The following DLC1 variants were observed in gnomAD, a reference collection of about 807,000 sequenced individuals.
DLC1 encodes rho GTPase-activating protein 7.
DLC1 carries 54 observed loss-of-function variants against 140.3 expected under a neutral mutation model. The ratio of observed to expected loss-of-function variants is 0.38; its 90% CI spans 0.31 to 0.48. The LOEUF (loss-of-function observed/expected upper bound fraction) is 0.48. Ranked by LOEUF, DLC1 falls within the 20% of genes least tolerant of loss-of-function variation. The pLI, the probability that DLC1 is intolerant of heterozygous loss-of-function variation, is 0.96. For synonymous variants in DLC1, 986 were observed against 728.1 expected (o/e 1.35, Z -5.70); for missense variants, 2,536 against 1,907.0 (o/e 1.33, Z -6.14).
intron 1 of DLC1, among the ~76,000 whole-genome samples, chr8:13,590,653 T>A (rs1805487300): frequency 6.6e-6 from 1 of 152,132 alleles, no homozygotes; most frequent in Non-Finnish European, 1.5e-5. Flanking sequence ...AATAAAATAA[T>A]CAGAGTGGGC....
At chr8:13,281,641 T>C (rs539539555) in intron 5 of DLC1, among the ~76,000 whole-genome samples, 116 of 152,326 alleles carry the variant, frequency 7.6e-4, no homozygotes, top group Admixed American at 1.2e-3. Flanking sequence ...AGACTTGCTC[T>C]ACAACTTCTG....
chr8:13,108,882 G>A (rs1418662208), intron 7 of DLC1, among the ~76,000 whole-genome samples: 3 of 152,108 alleles, frequency 2.0e-5, no homozygotes, highest in African/African-American at 4.8e-5. Flanking sequence ...TCCCGAAACT[G>A]CATCTGGTTT....
intron 1 of DLC1, among the ~76,000 whole-genome samples, chr8:13,601,720 G>C (rs1805892887): frequency 6.6e-6 from 1 of 151,564 alleles, no homozygotes; most frequent in African/African-American, 2.4e-5. Context: ...AACAACTGGA[G>C]TGTGCCTTTT....
chr8:13,383,602 A>G (rs1056649917), intron 4 of DLC1, among the ~76,000 whole-genome samples: 4 of 152,194 alleles, frequency 2.6e-5, no homozygotes, highest in African/African-American at 9.7e-5. Context: ...AATTCTTTTT[A>G]TAAACATGCC....
intron 5 of DLC1, among the ~76,000 whole-genome samples, chr8:13,172,117 TA>T (rs1275136348): frequency 1.3e-5 from 2 of 152,228 alleles, no homozygotes; most frequent in Admixed American, 1.3e-4. Context: ...AAACATTTTA[TA>T]GATGTCATTT....
chr8:13,446,218 T>C (rs1798771366), intron 2 of DLC1, among the ~76,000 whole-genome samples: 1 of 152,234 alleles, frequency 6.6e-6, no homozygotes, highest in Non-Finnish European at 1.5e-5. Flanking sequence ...TCTTATGGTA[T>C]CACTCAGGCA....
intron 2 of DLC1, among the ~76,000 whole-genome samples, chr8:13,457,746 T>C (rs1799474794): frequency 6.7e-6 from 1 of 150,136 alleles, no homozygotes; most frequent in Non-Finnish European, 1.5e-5. Context: ...AGTCAGGTGG[T>C]TTAGTTCAAT....
chr8:13,594,839 AT>A (rs1405147636), intron 1 of DLC1, among the ~76,000 whole-genome samples: 2 of 151,342 alleles, frequency 1.3e-5, no homozygotes, highest in African/African-American at 4.9e-5. Flanking sequence ...GGGTGCTTTT[AT>A]TTTATTTTTA....
At chr8:13,557,895 C>T (rs901851546) in intron 1 of DLC1, 4 of 152,078 alleles carry the variant, frequency 2.6e-5, no homozygotes, top group African/African-American at 7.2e-5. Flanking sequence ...AATTGCAACT[C>T]GGGGCATACA....
At chr8:13,570,452 C>A (rs1230589694) in intron 1 of DLC1, among the ~76,000 whole-genome samples, 3 of 123,540 alleles carry the variant, frequency 2.4e-5, no homozygotes, top group African/African-American at 9.2e-5. Flanking sequence ...CCCCTCCCCC[C>A]ACCCCACCAC....
intron 1 of DLC1, chr8:13,566,911 G>C: frequency 1.4e-6 from 2 of 1,445,018 alleles, no homozygotes; most frequent in Non-Finnish European, 1.8e-6. Flanking sequence ...ATCCATTCCC[G>C]GAGGGGTCAG....
At chr8:13,281,961 A>G (rs1831378968) in intron 5 of DLC1, among the ~76,000 whole-genome samples, 1 of 152,182 alleles carries the variant, frequency 6.6e-6, no homozygotes, top group African/African-American at 2.4e-5. Context: ...ATCTTGGGAC[A>G]GCATTTTGTT....
chr8:13,163,434 C>T (rs981990851), intron 5 of DLC1, among the ~76,000 whole-genome samples: 2 of 152,036 alleles, frequency 1.3e-5, no homozygotes, highest in Non-Finnish European at 2.9e-5. Context: ...CTAGGGTTCC[C>T]AGGCATTAAG....
chr8:13,203,318 C>G (rs1175232629), intron 5 of DLC1, among the ~76,000 whole-genome samples: 4 of 152,066 alleles, frequency 2.6e-5, no homozygotes, highest in Non-Finnish European at 5.9e-5. Flanking sequence ...TTTTTTCAAA[C>G]AATACCTGGG....
intron 5 of DLC1, among the ~76,000 whole-genome samples, chr8:13,136,493 G>A (rs1822567091): frequency 6.6e-6 from 1 of 152,142 alleles, no homozygotes; most frequent in African/African-American, 2.4e-5. Context: ...CTGCATTCAT[G>A]TTGCTGCAAA....
intron 5 of DLC1, among the ~76,000 whole-genome samples, chr8:13,154,190 G>A (rs570364151): frequency 6.2e-4 from 95 of 152,230 alleles, no homozygotes; most frequent in Admixed American, 1.1e-3. Context: ...AGTGGATCCC[G>A]TGCCAGGGCC....
intron 2 of DLC1, among the ~76,000 whole-genome samples, chr8:13,486,928 G>A (rs892370984): frequency 2.0e-5 from 3 of 152,270 alleles, no homozygotes; most frequent in Admixed American, 1.3e-4. Context: ...ACAAGAAATT[G>A]GCAGATTGTT....
intron 5 of DLC1, among the ~76,000 whole-genome samples, chr8:13,277,660 A>AT (rs1271417483): frequency 3.3e-5 from 5 of 152,132 alleles, no homozygotes; most frequent in African/African-American, 7.2e-5. Flanking sequence ...AATTTGGCAG[A>AT]TTTTTTGCCT....
At chr8:13,140,912 C>G (rs1032663433) in intron 5 of DLC1, among the ~76,000 whole-genome samples, 1 of 152,110 alleles carries the variant, frequency 6.6e-6, no homozygotes, top group Non-Finnish European at 1.5e-5. Context: ...ATTTTTCTCT[C>G]TCCCCTAGTA....
Sources: allele counts gnomAD v4.1 joint callset (sites outside exome capture counted in the v4.1 genomes callset), GRCh38; gene constraint gnomAD v4.1.1; transcripts MANE v1.5; gene names NCBI Gene and HGNC (gene_info 2026-07-23, HGNC 2026-07-21).